The following LRRC9 variants were observed in gnomAD, a reference collection of about 807,000 sequenced individuals.
The protein encoded by LRRC9 is leucine-rich repeat-containing protein 9.
Under a neutral mutation model 63.2 loss-of-function variants are expected in LRRC9, and 122 were observed. The ratio of observed to expected loss-of-function variants is 1.93; its 90% CI spans 1.67 to 2.24. LRRC9 has a LOEUF of 2.24. Among genes scored for constraint, LRRC9 ranks in the 30% most tolerant of loss-of-function variants. The pLI is 0.00. For synonymous variants in LRRC9, 366 were observed against 213.1 expected (o/e 1.72, Z -6.25); for missense variants, 1,071 against 627.7 (o/e 1.71, Z -7.55).
At position 60,022,547 on chromosome 14, in the gene LRRC9, ATT is replaced by A. The variant is rs1291346207; in HGVS notation, c.3567-186_3567-185del. Among the ~76,000 whole-genome samples the A allele has an allele frequency of 1.5e-4, 23 of 151,822 alleles. No homozygotes were observed. The East Asian group carries it at 4.3e-3, about 28-fold the overall frequency. On this transcript the variant is annotated intron_variant, in intron 26 of 31. Coordinates refer to ENST00000445360, the Ensembl canonical transcript of LRRC9. ...CTTATGTACTTCTTTATTCTAGACC[ATT>A]CTTTTTAAAGAATAAGTATTATTAT...
chr14:60,020,699 G>C (rs1267244101), intron 26 of LRRC9, among the ~76,000 whole-genome samples: 2 of 151,856 alleles, frequency 1.3e-5, no homozygotes, highest in East Asian at 1.9e-4. Flanking sequence ...TCTAGACATT[G>C]CATATAAATG....
In LRRC9 at chr14:59,942,909, A is replaced by G. The variant is rs1417367120; in HGVS notation, c.727-1680A>G. Among the ~76,000 whole-genome samples the G allele has an allele frequency of 6.6e-6, 1 of 151,272 alleles. No individual in the cohort carries two copies. The highest frequency in any genetic ancestry group is 2.0e-4 in the East Asian group (1 of 5,092). On this transcript the variant is annotated intron_variant, in intron 7 of 31. Transcript: ENST00000445360. This position sits in a 1 kb window ranked among gnomAD's most constrained non-coding sequence, Gnocchi z 5.3. The stretch of plus-strand genomic sequence containing the variant: ...TTTCATATACCTATTGGCCATTTGT[A>G]TGGTCTGTTGAGAAATGTCTATGCA...
Position 60,003,758 on chromosome 14 carries a change from A to G in LRRC9, c.2802A>G (p.Glu934=). ...GTCTGGAATCCTGTATTAACTTGGAAGAGCTCACATTAGATGGAAACTGCA... is the reference window on the plus strand; with the variant it reads ...GTCTGGAATCCTGTATTAACTTGGAGGAGCTCACATTAGATGGAAACTGCA... Residue 934 remains glutamate, a synonymous_variant, in exon 21 of 32, where the codon GAA becomes GAG. Coordinates refer to ENST00000445360, the Ensembl canonical transcript of LRRC9. This position sits in a 1 kb window ranked among gnomAD's most constrained non-coding sequence, Gnocchi z 4.2. 1 of 675,422 alleles carries G rather than the reference A, an allele frequency of 1.5e-6. No individual in the cohort carries two copies. Among genetic ancestry groups the G allele is most frequent in the Non-Finnish European group, 2.7e-6 (1 of 374,564 alleles). The allele number at this position is 675,422 out of a possible 1,614,324, so 41.8% of individuals were successfully genotyped here.
chr14:59,989,674 T>A (rs185145101), intron 17 of LRRC9, among the ~76,000 whole-genome samples: 11 of 152,264 alleles, frequency 7.2e-5, no homozygotes, highest in Non-Finnish European at 1.5e-4. Context: ...ACCAGTAATA[T>A]TAACCTCTGT....
At chr14:60,023,725 C>T (rs1177151130) in intron 27 of LRRC9, among the ~76,000 whole-genome samples, 2 of 151,978 alleles carry the variant, frequency 1.3e-5, no homozygotes, top group Admixed American at 6.6e-5. Flanking sequence ...ATACATGTGC[C>T]ATGGTGGTTT....
At chr14:59,979,846 T>C (rs1886739432) in intron 15 of LRRC9, among the ~76,000 whole-genome samples, 3 of 149,772 alleles carry the variant, frequency 2.0e-5, no homozygotes, top group Admixed American at 2.0e-4. Context: ...AGGGATAGCA[T>C]TAGGAGATAT....
intron 29 of LRRC9, among the ~76,000 whole-genome samples, chr14:60,037,100 C>A (rs967583372): frequency 1.9e-4 from 29 of 152,074 alleles, no homozygotes; most frequent in Non-Finnish European, 2.5e-4. Context: ...TGAACTCATC[C>A]TTTTTTATGG....
rs75580613 is a variant in LRRC9, at chr14:60,008,625, T to C, written c.3186+411T>C. On this transcript the variant is annotated intron_variant, in intron 23 of 31. Transcript: ENST00000445360. ...AATATATTTGAACCAACATGTGGTA[T>C]GTCAACATTACTAAGTAAGCTGTAA... Among the ~76,000 whole-genome samples the C allele has an allele frequency of 3.4e-3, 513 of 152,326 alleles. 17 individuals are homozygous for C. The East Asian group carries it at 0.057, about 17-fold the overall frequency.
intron 21 of LRRC9, among the ~76,000 whole-genome samples, 175 bp from the exon 22 acceptor site, chr14:60,006,222 A>C (rs1019830297): frequency 5.3e-5 from 8 of 152,136 alleles, no homozygotes; most frequent in Non-Finnish European, 1.2e-4. Flanking sequence ...GGGCTTATAC[A>C]CAAGATTATA....
chr14:60,006,859 T>G (rs1470883654), intron 22 of LRRC9: 1 of 278,570 alleles, frequency 3.6e-6, no homozygotes, highest in Non-Finnish European at 6.6e-6. Context: ...TCAAGTATGA[T>G]AAACCAAACC....
Position 60,057,755 on chromosome 14 carries a change from C to T in LRRC9, c.4132-123C>T. ...ACCTAGTACCAATTCTGAGTTTAGGCAAGCAGGTAGCTCCTGACTAAAAAG... is the reference window on the plus strand; with the variant it reads ...ACCTAGTACCAATTCTGAGTTTAGGTAAGCAGGTAGCTCCTGACTAAAAAG... On this transcript the variant is annotated intron_variant, in intron 30 of 31. Coordinates refer to ENST00000445360, the Ensembl canonical transcript of LRRC9. The T allele has an allele frequency of 6.9e-6, 3 of 435,952 alleles. No individual in the cohort carries two copies. In the East Asian group the frequency reaches 9.5e-5, roughly 14 times the overall value. The allele number at this position is 435,952 out of a possible 1,614,324, so 27.0% of individuals were successfully genotyped here. A position where few individuals can be genotyped will look rare whatever the true frequency, so the allele number is the denominator to read the frequency against.
At position 60,004,881 on chromosome 14, in the gene LRRC9, TACACACACAC is replaced by T. The variant is rs10550604; in HGVS notation, c.2842+1098_2842+1107del. On this transcript the variant is annotated intron_variant, in intron 21 of 31. Coordinates refer to ENST00000445360, the Ensembl canonical transcript of LRRC9. The surrounding 1 kb of genome is among the most constrained non-coding windows in gnomAD (Gnocchi z 4.8). ...AAAGAGAAATATGTATATGTGTGTATACACACACACACACACACACACACTTATCTGAATA... is the reference window on the plus strand; with the variant it reads ...AAAGAGAAATATGTATATGTGTGTATACACACACACACACTTATCTGAATA... Among the ~76,000 whole-genome samples, 2 of 150,242 alleles carry T rather than the reference TACACACACAC, an allele frequency of 1.3e-5. No individual in the cohort carries two copies. The highest frequency in any genetic ancestry group is 6.6e-5 in the Admixed American group (1 of 15,070).
In LRRC9 at chr14:59,986,437, G is replaced by A. The variant is rs537241525; in HGVS notation, c.2211+1213G>A. Among the ~76,000 whole-genome samples the A allele has an allele frequency of 2.0e-5, 3 of 152,146 alleles. No individual in the cohort carries two copies. The highest frequency in any genetic ancestry group is 7.2e-5 in the African/African-American group (3 of 41,502). Reference sequence around the variant, plus strand: ...CTGTTTCTTTTACTTATTGGCATTAGGTTTAGATTTAGTGTTAAACTCACT... The same window carrying A: ...CTGTTTCTTTTACTTATTGGCATTAAGTTTAGATTTAGTGTTAAACTCACT... On this transcript the variant is annotated intron_variant, in intron 17 of 31. Coordinates refer to ENST00000445360, the Ensembl canonical transcript of LRRC9. This position sits in a 1 kb window ranked among gnomAD's most constrained non-coding sequence, Gnocchi z 4.7.
At chr14:59,943,590 C>A (rs1333421136) in intron 7 of LRRC9, among the ~76,000 whole-genome samples, 1 of 152,046 alleles carries the variant, frequency 6.6e-6, no homozygotes, top group Non-Finnish European at 1.5e-5. Context: ...TTATCATGAT[C>A]CTAAAACAAA....
intron 17 of LRRC9, among the ~76,000 whole-genome samples, chr14:59,987,284 A>G (rs933411244): frequency 6.6e-6 from 1 of 151,066 alleles, no homozygotes; most frequent in East Asian, 1.9e-4. Context: ...TGGTTTTGCC[A>G]TTTTTAAAAA....
chr14:60,028,602 T>G (rs1891738522), intron 28 of LRRC9, among the ~76,000 whole-genome samples: 1 of 152,146 alleles, frequency 6.6e-6, no homozygotes. Context: ...CCTGTTACTT[T>G]TAGGTCACTG....
In LRRC9 at chr14:59,982,016, A is replaced by G. The variant is rs140624304; in HGVS notation, c.2047A>G (p.Thr683Ala). The change falls in exon 16 of 32, where the codon ACA (threonine) becomes GCA (alanine). Residue 683 changes from threonine (T) to alanine (A), a missense_variant. By Grantham distance (58) the Thr-to-Ala change is moderately conservative. Transcript: ENST00000445360. Reference sequence around the variant, plus strand: ...AAAACTGATTAGTTTGGATGATAAAACAATACTTTCCCTTGCAAAGACTAG... The same window carrying G: ...AAAACTGATTAGTTTGGATGATAAAGCAATACTTTCCCTTGCAAAGACTAG... 1.5e-4 allele frequency: 106 copies of G among 702,520 alleles called. No homozygotes were observed. The East Asian group carries it at 2.8e-3, about 19-fold the overall frequency. The allele number at this position is 702,520 out of a possible 1,614,324, so 43.5% of individuals were successfully genotyped here. A position where few individuals can be genotyped will look rare whatever the true frequency, so the allele number is the denominator to read the frequency against.
At chr14:59,989,082 T>C (rs910955068) in intron 17 of LRRC9, among the ~76,000 whole-genome samples, 2 of 152,118 alleles carry the variant, frequency 1.3e-5, no homozygotes, top group South Asian at 4.1e-4. Flanking sequence ...ATAACTTTTT[T>C]AGTTTTCTTT....
chr14:60,004,171 C>T lies in LRRC9; in HGVS notation c.2842+373C>T, dbSNP rs1291738557. Among the ~76,000 whole-genome samples the T allele has an allele frequency of 6.6e-6, 1 of 152,098 alleles. No individual in the cohort carries two copies. Among genetic ancestry groups the T allele is most frequent in the Non-Finnish European group, 1.5e-5 (1 of 67,988 alleles). On this transcript the variant is annotated intron_variant, in intron 21 of 31. Coordinates refer to ENST00000445360, the Ensembl canonical transcript of LRRC9. This position sits in a 1 kb window ranked among gnomAD's most constrained non-coding sequence, Gnocchi z 4.8. ...GCTTTCACCTCCTGTGCCTTCTCTC[C>T]CCTCTCCTCTGTGCTAGTTTATAAT... is the stretch of plus-strand genomic sequence containing the variant.
Sources: allele counts gnomAD v4.1 joint callset (sites outside exome capture counted in the v4.1 genomes callset), GRCh38; gene constraint gnomAD v4.1.1; non-coding constraint Gnocchi (gnomAD v3.1); transcripts MANE v1.5; gene names NCBI Gene and HGNC (gene_info 2026-07-23, HGNC 2026-07-21).